The following WWOX variants were observed in gnomAD, a reference collection of about 807,000 sequenced individuals.
The protein encoded by WWOX is WW domain containing oxidoreductase.
Under a neutral mutation model 46.2 loss-of-function variants are expected in WWOX, and 69 were observed. That is an observed-to-expected ratio of 1.49 (90% confidence interval 1.23 to 1.82). WWOX has a LOEUF of 1.82. Among genes scored for constraint, WWOX ranks in the 40% most tolerant of loss-of-function variants. The pLI is 0.00. For missense variants in WWOX, 919 were observed against 542.6 expected, an observed-to-expected ratio of 1.69 and a Z score of -6.89; for synonymous variants, 359 against 202.6, an observed-to-expected ratio of 1.77 and a Z score of -6.56.
intron 8 of WWOX, among the ~76,000 whole-genome samples, chr16:79,071,036 T>C (rs2048540833): frequency 6.6e-6 from 1 of 152,198 alleles, no homozygotes; most frequent in African/African-American, 2.4e-5. Flanking sequence ...AGCCCATACG[T>C]GAATGCATGG....
intron 8 of WWOX, among the ~76,000 whole-genome samples, chr16:78,686,848 A>C (rs1441571202): frequency 6.6e-6 from 1 of 152,172 alleles, no homozygotes; most frequent in East Asian, 1.9e-4. Flanking sequence ...TTCGAAACTC[A>C]CCCAGGAAGG....
intron 8 of WWOX, among the ~76,000 whole-genome samples, chr16:78,439,585 G>A (rs538254041): frequency 2.0e-5 from 3 of 152,314 alleles, no homozygotes; most frequent in South Asian, 4.1e-4. Flanking sequence ...AGAATCATGA[G>A]GGTTGTATTC....
At chr16:78,877,237 G>A (rs1079634) in intron 8 of WWOX, among the ~76,000 whole-genome samples, 1 of 151,766 alleles carries the variant, frequency 6.6e-6, no homozygotes, top group Admixed American at 6.6e-5. Context: ...AGGCAAAATC[G>A]TCACAGTAGG....
chr16:78,526,782 C>G (rs1460788725), intron 8 of WWOX, among the ~76,000 whole-genome samples: 2 of 152,160 alleles, frequency 1.3e-5, no homozygotes, highest in Non-Finnish European at 2.9e-5. Flanking sequence ...TGGGTCTCTC[C>G]TGCTTAGGAA....
intron 8 of WWOX, among the ~76,000 whole-genome samples, chr16:79,026,224 C>T (rs889346154): frequency 1.3e-5 from 2 of 151,772 alleles, no homozygotes; most frequent in Admixed American, 6.5e-5. Flanking sequence ...CTTTTCAGCC[C>T]TGTTGACACT....
chr16:78,378,519 A>G (rs2081881575), intron 5 of WWOX, among the ~76,000 whole-genome samples: 1 of 152,234 alleles, frequency 6.6e-6, no homozygotes, highest in South Asian at 2.1e-4. Context: ...AATTAGTGTT[A>G]TGAAGTCCCA....
chr16:79,069,055 G>C (rs760301469), intron 8 of WWOX, among the ~76,000 whole-genome samples: 2 of 152,064 alleles, frequency 1.3e-5, no homozygotes, highest in Non-Finnish European at 2.9e-5. Context: ...AGAGTCATTT[G>C]ATCAGTAAAG....
chr16:78,718,525 A>C lies in WWOX; in HGVS notation c.1056+285773A>C, dbSNP rs551947506. On this transcript the variant is annotated intron_variant, in intron 8 of 8. Coordinates refer to ENST00000566780, the MANE Select transcript of WWOX (RefSeq NM_016373.4). ...TTCAATAAAAATGAATTTGCCAGTC[A>C]GAAAAATTTATCTTTTAGAAAATTA... 3.3e-5 allele frequency among the ~76,000 whole-genome samples: 5 copies of C among 152,276 alleles called. No individual in the cohort carries two copies. In the South Asian group the frequency reaches 1.0e-3, roughly 32 times the overall value.
chr16:78,497,858 A>G lies in WWOX; in HGVS notation c.1056+65106A>G, dbSNP rs1482500824. 4.8e-5 allele frequency among the ~76,000 whole-genome samples: 3 copies of G among 62,744 alleles called. No homozygotes were observed. In the East Asian group the frequency reaches 1.6e-3, roughly 33 times the overall value. The allele number at this position is 62,744 out of a possible 152,430, so 41.2% of individuals were successfully genotyped here. ...TTATACACCGGAGTTACTGAGAATT[A>G]TAAAAAAATTAAAAAAGCCCACATT... On this transcript the variant is annotated intron_variant, in intron 8 of 8. Coordinates refer to ENST00000566780, the MANE Select transcript of WWOX (RefSeq NM_016373.4).
At chr16:78,252,706 A>G (rs1397670841) in intron 5 of WWOX, among the ~76,000 whole-genome samples, 1 of 152,208 alleles carries the variant, frequency 6.6e-6, no homozygotes, top group Admixed American at 6.5e-5. Context: ...TGTTTTAGCC[A>G]CTGAATATAC....
chr16:78,716,293 C>A (rs950802437), intron 8 of WWOX, among the ~76,000 whole-genome samples: 2 of 152,092 alleles, frequency 1.3e-5, no homozygotes, highest in Non-Finnish European at 2.9e-5. Context: ...AGGCAGGAAG[C>A]ATCCTCCCCT....
chr16:78,633,811 G>C (rs1016194892), intron 8 of WWOX, among the ~76,000 whole-genome samples: 1 of 152,142 alleles, frequency 6.6e-6, no homozygotes, highest in East Asian at 1.9e-4. Context: ...GTGTTCCCGA[G>C]TGCATCAAAC....
rs555006494 is a variant in WWOX, at chr16:78,156,576, A to C, written c.410-7607A>C. 2.0e-5 allele frequency among the ~76,000 whole-genome samples: 3 copies of C among 152,292 alleles called. No individual in the cohort carries two copies. The South Asian group carries it at 6.2e-4, about 32-fold the overall frequency. Reference sequence around the variant, plus strand: ...ATCCTACTGGGTGCTAGTCTGGCGAAATACGGAGATTGGAGGGTGTAAGGC... The same window carrying C: ...ATCCTACTGGGTGCTAGTCTGGCGACATACGGAGATTGGAGGGTGTAAGGC... On this transcript the variant is annotated intron_variant, in intron 4 of 8. Coordinates refer to ENST00000566780, the MANE Select transcript of WWOX (RefSeq NM_016373.4).
At chr16:78,404,381 C>T (rs182039555) in intron 6 of WWOX, among the ~76,000 whole-genome samples, 60 of 152,208 alleles carry the variant, frequency 3.9e-4, no homozygotes, top group Non-Finnish European at 7.1e-4. Flanking sequence ...CTCTATCCTT[C>T]AGGGGTTTGG....
At chr16:78,618,185 C>G (rs1021295753) in intron 8 of WWOX, among the ~76,000 whole-genome samples, 1 of 152,212 alleles carries the variant, frequency 6.6e-6, no homozygotes, top group Non-Finnish European at 1.5e-5. Context: ...GAGTCCCGAT[C>G]TCACTGATTC....
intron 8 of WWOX, among the ~76,000 whole-genome samples, chr16:79,161,990 G>A (rs1187206009): frequency 6.6e-6 from 1 of 152,248 alleles, no homozygotes; most frequent in Non-Finnish European, 1.5e-5. Context: ...TAAATTGGCA[G>A]TGGCCAGGAC....
chr16:78,507,030 C>T (rs75129806), intron 8 of WWOX, among the ~76,000 whole-genome samples: 8,742 of 152,150 alleles, frequency 0.057, 856 homozygotes, highest in African/African-American at 0.2. Context: ...TCCCTTCTAA[C>T]CTGTGCTGTT....
chr16:78,363,674 A>G (rs1305324471), intron 5 of WWOX, among the ~76,000 whole-genome samples: 2 of 152,162 alleles, frequency 1.3e-5, no homozygotes, highest in African/African-American at 2.4e-5. Flanking sequence ...GACCACCACC[A>G]TTCAGGTTCT....
At chr16:78,364,483 C>T (rs1469038485) in intron 5 of WWOX, among the ~76,000 whole-genome samples, 1 of 151,554 alleles carries the variant, frequency 6.6e-6, no homozygotes, top group African/African-American at 2.4e-5. Context: ...TCTGATCTTA[C>T]AGTTATTACT....
Sources: allele counts gnomAD v4.1 joint callset (sites outside exome capture counted in the v4.1 genomes callset), GRCh38; gene constraint gnomAD v4.1.1; transcripts MANE v1.5; gene names NCBI Gene and HGNC (gene_info 2026-07-23, HGNC 2026-07-21).